The following ADAM32 variants were observed in gnomAD, a reference collection of about 807,000 sequenced individuals.
ADAM32 encodes the protein disintegrin and metalloproteinase domain-containing protein 32.
A neutral mutation model predicts 114.9 loss-of-function variants in ADAM32; 89 were observed. That is an observed-to-expected ratio of 0.77 (90% CI 0.65 to 0.92). The LOEUF (loss-of-function observed/expected upper bound fraction) is 0.92. Ranked by LOEUF, ADAM32 falls within the 40% of genes least tolerant of loss-of-function variation. The pLI is 0.00. For missense variants in ADAM32, 870 were observed against 932.8 expected, an observed-to-expected ratio of 0.93 and a Z score of 0.88; for synonymous variants, 285 against 307.5, an observed-to-expected ratio of 0.93 and a Z score of 0.77.
chr8:39,204,260 C>T (rs1585532884), intron 11 of ADAM32, among the ~76,000 whole-genome samples: 2 of 152,226 alleles, frequency 1.3e-5, no homozygotes, highest in Admixed American at 1.3e-4. Context: ...CCATCACTTT[C>T]AGGTACACCA....
chr8:39,130,753 G>A (rs1422660919), intron 2 of ADAM32: 5 of 364,572 alleles, frequency 1.4e-5, no homozygotes, highest in South Asian at 6.1e-5. Flanking sequence ...AGCAAAAAAT[G>A]TACTTTTGTG....
rs906496568 is a variant in ADAM32 at position 39,149,135 on chromosome 8, A to G, written c.277-656A>G. ...AACACTTGATCTATCAGTCACTAAG[A>G]GAAATTAACTTTAAAAAACTTTTTT... is the stretch of plus-strand genomic sequence containing the variant. On this transcript the variant is annotated intron_variant, in intron 4 of 24. Transcript: ENST00000379907. Among the ~76,000 whole-genome samples, 10 of 152,200 alleles carry G rather than the reference A, an allele frequency of 6.6e-5. 1 individual carries two copies. Among genetic ancestry groups the G allele is most frequent in the African/African-American group, 2.4e-4 (10 of 41,452 alleles).
chr8:39,215,898 T>C (rs1374052895), intron 12 of ADAM32, among the ~76,000 whole-genome samples: 1 of 152,080 alleles, frequency 6.6e-6, no homozygotes, highest in African/African-American at 2.4e-5. Flanking sequence ...TAAATATCTA[T>C]TAGATTCATT....
At chr8:39,260,874 G>T (rs1040457804) in intron 19 of ADAM32, among the ~76,000 whole-genome samples, 14 of 151,746 alleles carry the variant, frequency 9.2e-5, no homozygotes, top group Admixed American at 3.9e-4. Flanking sequence ...AAACCATCTG[G>T]TTCTGTTTTT....
At chr8:39,131,194 G>T (rs1017332263) in intron 2 of ADAM32, among the ~76,000 whole-genome samples, 29 of 152,100 alleles carry the variant, frequency 1.9e-4, no homozygotes, top group Non-Finnish European at 3.7e-4. Flanking sequence ...CTGACCTCGT[G>T]ATCTGCCCGC....
chr8:39,261,976 C>T (rs938590953), intron 19 of ADAM32, among the ~76,000 whole-genome samples: 6 of 152,110 alleles, frequency 3.9e-5, no homozygotes, highest in African/African-American at 1.4e-4. Flanking sequence ...AATATATTCT[C>T]ATATTCTGTA....
intron 3 of ADAM32, among the ~76,000 whole-genome samples, chr8:39,142,258 G>T (rs1273505697): frequency 6.6e-6 from 1 of 152,226 alleles, no homozygotes; most frequent in East Asian, 1.9e-4. Flanking sequence ...ATGTTAGCTG[G>T]TTATTTTTCC....
intron 11 of ADAM32, among the ~76,000 whole-genome samples, chr8:39,196,979 C>A (rs1446553203): frequency 6.6e-6 from 1 of 151,896 alleles, no homozygotes; most frequent in Admixed American, 6.6e-5. Context: ...TATGGGCTTT[C>A]TTTGTTGGGA....
At chr8:39,186,000 C>A (rs1032700751) in intron 10 of ADAM32, among the ~76,000 whole-genome samples, 3 of 152,072 alleles carry the variant, frequency 2.0e-5, no homozygotes, top group African/African-American at 7.2e-5. Flanking sequence ...GATTCTAATG[C>A]TTTTCCCACC....
At chr8:39,209,292 T>A (rs1220484681) in intron 11 of ADAM32, among the ~76,000 whole-genome samples, 1 of 152,240 alleles carries the variant, frequency 6.6e-6, no homozygotes, top group Non-Finnish European at 1.5e-5. Context: ...TCAGTTTATC[T>A]ATTATTGCTC....
At chr8:39,264,262 A>G (rs1345976327) in intron 19 of ADAM32, among the ~76,000 whole-genome samples, 2 of 152,114 alleles carry the variant, frequency 1.3e-5, no homozygotes, top group African/African-American at 4.8e-5. Flanking sequence ...GTAAGGTTTC[A>G]GTTTCTTCAT....
intron 11 of ADAM32, among the ~76,000 whole-genome samples, chr8:39,205,644 G>A (rs993337886): frequency 7.9e-5 from 12 of 152,280 alleles, no homozygotes; most frequent in Admixed American, 2.0e-4. Context: ...CCAACTGTCC[G>A]ACAAGCCCCA....
intron 11 of ADAM32, among the ~76,000 whole-genome samples, chr8:39,196,726 G>T (rs1300845462): frequency 6.6e-6 from 1 of 151,942 alleles, no homozygotes; most frequent in Non-Finnish European, 1.5e-5. Flanking sequence ...TGTGTTGTTG[G>T]ATTAGGTTTA....
intron 17 of ADAM32, among the ~76,000 whole-genome samples, chr8:39,248,591 CT>C (rs1811082855): frequency 6.6e-6 from 1 of 152,024 alleles, no homozygotes; most frequent in Admixed American, 6.5e-5. Flanking sequence ...TTCTTCAATT[CT>C]TTTTAGATTT....
intron 20 of ADAM32, 51 bp downstream of exon 20, chr8:39,270,965 A>T (rs1812681336): frequency 5.9e-6 from 9 of 1,525,696 alleles, no homozygotes; most frequent in Admixed American, 2.0e-5. Flanking sequence ...ATTAAGAGTT[A>T]ATTGATAATT....
chr8:39,116,909 A>T (rs1053963472), intron 1 of ADAM32, among the ~76,000 whole-genome samples: 2 of 150,974 alleles, frequency 1.3e-5, no homozygotes, highest in African/African-American at 4.9e-5. Context: ...TTTGAGACAG[A>T]GTCTTTCTCT....
intron 11 of ADAM32, among the ~76,000 whole-genome samples, chr8:39,205,474 C>T (rs1302220105): frequency 6.6e-6 from 1 of 152,242 alleles, no homozygotes; most frequent in East Asian, 1.9e-4. Context: ...ATTGGAAAAG[C>T]ACAGTATTAG....
At chr8:39,140,142 A>T (rs942273330) in intron 3 of ADAM32, among the ~76,000 whole-genome samples, 1 of 152,114 alleles carries the variant, frequency 6.6e-6, no homozygotes, top group East Asian at 1.9e-4. Flanking sequence ...TGACTTCCTC[A>T]TTTCCTAATT....
intron 19 of ADAM32, among the ~76,000 whole-genome samples, chr8:39,269,633 A>G (rs1164811699): frequency 2.0e-5 from 3 of 152,214 alleles, no homozygotes; most frequent in Non-Finnish European, 1.5e-5. Context: ...GCGTTTTTAA[A>G]GCAAATCATT....
Sources: gnomAD v4.1 joint callset for allele counts (sites outside exome capture counted in the v4.1 genomes callset) on GRCh38, gnomAD v4.1.1 for gene constraint, MANE v1.5 for transcripts, NCBI Gene and HGNC (gene_info 2026-07-23, HGNC 2026-07-21) for gene names.